HMSD: variants seen among roughly 807,000 people sequenced by gnomAD.
HMSD encodes the protein serpin-like protein HMSD.
Under a neutral mutation model 10.0 loss-of-function variants are expected in HMSD, and 13 were observed. The observed-to-expected ratio is 1.31, with a 90% confidence interval of 0.85 to 2.08. The LOEUF (loss-of-function observed/expected upper bound fraction) is 2.08, where lower values mean the gene tolerates loss of function less well. HMSD is among the 30% of genes most tolerant of loss of function. The pLI is 0.00. For synonymous variants in HMSD, 51 were observed against 54.2 expected, an observed-to-expected ratio of 0.94 and a Z score of 0.26; for missense variants, 169 against 166.3, an observed-to-expected ratio of 1.02 and a Z score of -0.09.
chr18:63,955,177 T>C (rs557251582), intron 3 of HMSD, among the ~76,000 whole-genome samples: 1 of 152,278 alleles, frequency 6.6e-6, no homozygotes, highest in Non-Finnish European at 1.5e-5. Flanking sequence ...ATAAAAACTT[T>C]GCTTCATGAG....
downstream of HMSD, among the ~76,000 whole-genome samples, chr18:63,963,203 GCTTCCTTCCTTCCTTCCTTCCTTGCTTC>G (rs1379207908): frequency 1.6e-4 from 16 of 99,394 alleles, no homozygotes; most frequent in African/African-American, 7.1e-4. Context: ...TTCCTTCCTT[GCTTCCTTCCTTCCTTCCTTCCTTGCTTC>G]CTTCCTTCCT....
chr18:63,958,984 C>T (rs1388237051), intron 3 of HMSD, among the ~76,000 whole-genome samples: 2 of 151,846 alleles, frequency 1.3e-5, no homozygotes, highest in African/African-American at 4.8e-5. Flanking sequence ...CTATAGTCAC[C>T]ATTTGTAAAA....
chr18:63,964,905 A>G (rs909323670), downstream of HMSD, among the ~76,000 whole-genome samples: 1 of 152,120 alleles, frequency 6.6e-6, no homozygotes, highest in African/African-American at 2.4e-5. Context: ...CTAAGTCCTT[A>G]GTTCTTTTTT....
At chr18:63,950,188 G>T (rs1160154587) in intron 1 of HMSD, among the ~76,000 whole-genome samples, 2 of 152,000 alleles carry the variant, frequency 1.3e-5, no homozygotes, top group African/African-American at 4.8e-5. Context: ...AGGCTGAGGG[G>T]GGCGGATCAC....
At chr18:63,953,330 T>C (rs574074038) in intron 1 of HMSD, 24 bp from the exon 2 acceptor site, 4 of 666,646 alleles carry the variant, frequency 6.0e-6, no homozygotes, top group South Asian at 1.7e-5. Context: ...TAATGTAATA[T>C]TGTTTAAAAA....
At chr18:63,955,946 C>T (rs1429623548) in intron 3 of HMSD, among the ~76,000 whole-genome samples, 1 of 152,202 alleles carries the variant, frequency 6.6e-6, no homozygotes, top group Non-Finnish European at 1.5e-5. Context: ...CTGTCCCCAC[C>T]GCATTTCCCC....
intron 1 of HMSD, among the ~76,000 whole-genome samples, chr18:63,951,980 T>C (rs1043431179): frequency 6.6e-6 from 1 of 151,942 alleles, no homozygotes; most frequent in African/African-American, 2.4e-5. Flanking sequence ...TGAGTTCATG[T>C]CCTTTGTAGG....
intron 2 of HMSD, among the ~76,000 whole-genome samples, chr18:63,953,893 G>A (rs1025904730): frequency 1.3e-5 from 2 of 152,184 alleles, no homozygotes; most frequent in African/African-American, 4.8e-5. Flanking sequence ...GACCACGGTA[G>A]CTGGGTTACA....
chr18:63,963,196 CTT>C, downstream of HMSD, among the ~76,000 whole-genome samples: 1 of 136,684 alleles, frequency 7.3e-6, no homozygotes, highest in Admixed American at 7.3e-5. Flanking sequence ...TCATTGCTTC[CTT>C]CCTTGCTTCC....
At chr18:63,967,240 C>T (rs981924323) in intron 3 of HMSD, among the ~76,000 whole-genome samples, 4 of 152,184 alleles carry the variant, frequency 2.6e-5, no homozygotes, top group African/African-American at 9.7e-5. Flanking sequence ...TCAAGCAGTT[C>T]TCCTGCTTCA....
chr18:63,960,242 C>T lies in HMSD; in HGVS notation c.307C>T (p.Arg103Cys), dbSNP rs191472221. 47 of 1,613,310 alleles carry T rather than the reference C, an allele frequency of 2.9e-5. No homozygotes were observed. Among genetic ancestry groups the T allele is most frequent in the East Asian group, 2.5e-4 (11 of 44,834 alleles). Residue 103 changes from arginine (R) to cysteine (C), a missense_variant, in exon 4 of 4, where the codon CGT (arginine) becomes TGT (cysteine). Physicochemically the swap from Arg to Cys is radical, Grantham distance 180. Transcript: ENST00000408945. The stretch of plus-strand genomic sequence containing the variant: ...GAATGATACAGAGAAGTCCACAACA[C>T]GTGTAAACTCCTGGGTTGCTGATAA... ...FVNDTEKSTTRVNSWVADKTK... is the reference protein window; with the variant it reads ...FVNDTEKSTTCVNSWVADKTK...
intron 3 of HMSD, among the ~76,000 whole-genome samples, chr18:63,955,019 G>T (rs1210420631): frequency 2.6e-5 from 4 of 152,158 alleles, no homozygotes; most frequent in African/African-American, 4.8e-5. Context: ...TCTAGTTTTT[G>T]AAAAGAAAAG....
rs1260811432 is a variant in HMSD at position 63,954,355 on chromosome 18, T to C, written c.73-53T>C. 8.3e-6 allele frequency: 11 copies of C among 1,321,866 alleles called. No individual in the cohort carries two copies. In the Admixed American group the frequency reaches 1.6e-4, roughly 19 times the overall value. The allele number at this position is 1,321,866 out of a possible 1,614,324, so 81.9% of individuals were successfully genotyped here. A position where few individuals can be genotyped will look rare whatever the true frequency, so the allele number is the denominator to read the frequency against. Reference sequence around the variant, plus strand: ...CTGAGTTTACTGTTGTGCCTATATTTTGAAGTCACAGAATACTGAGAATGT... The same window carrying C: ...CTGAGTTTACTGTTGTGCCTATATTCTGAAGTCACAGAATACTGAGAATGT... On this transcript the variant is annotated intron_variant, in intron 2 of 3. Transcript: ENST00000408945.
downstream of HMSD, among the ~76,000 whole-genome samples, chr18:63,965,567 C>T (rs554478308): frequency 6.6e-6 from 1 of 152,272 alleles, no homozygotes; most frequent in South Asian, 2.1e-4. Flanking sequence ...CCTTGAAATA[C>T]AATACCAGGC....
chr18:63,969,188 A>T (rs1484400226), intron 3 of HMSD: 2 of 152,222 alleles, frequency 1.3e-5, no homozygotes, highest in Admixed American at 6.5e-5. Flanking sequence ...GGCTCTAAAG[A>T]AAAGAAGGGA....
intron 3 of HMSD, among the ~76,000 whole-genome samples, chr18:63,967,836 G>A (rs1449963596): frequency 6.6e-6 from 1 of 152,186 alleles, no homozygotes; most frequent in African/African-American, 2.4e-5. Flanking sequence ...CCAGGGTGGA[G>A]TGGGGAGCCT....
At chr18:63,965,518 G>A (rs2050405939), downstream of HMSD, among the ~76,000 whole-genome samples, 1 of 152,176 alleles carries the variant, frequency 6.6e-6, no homozygotes, top group Non-Finnish European at 1.5e-5. Context: ...CAGTTTCCAG[G>A]CAATGCCATA....
At chr18:63,963,119 TTC>T (rs1491257777), downstream of HMSD, among the ~76,000 whole-genome samples, 238 of 136,818 alleles carry the variant, frequency 1.7e-3, 4 homozygotes, top group Admixed American at 2.7e-3. Flanking sequence ...CTTTCTTTCT[TTC>T]TTTCTTTCTT....
rs1277822603 is a variant in HMSD, at chr18:63,954,572, T to C, written c.222+15T>C. On this transcript the variant is annotated intron_variant, in intron 3 of 3. Coordinates refer to ENST00000408945, the MANE Select transcript of HMSD (RefSeq NM_001123366.2). ...ATTTCCTCACAGTAAGTCATACTTG[T>C]TTATTAGGAAAATAAAGATAGCAAT... 6.3e-7 allele frequency: 1 copy of C among 1,599,496 alleles called. No individual in the cohort carries two copies.
Sources: allele counts gnomAD v4.1 joint callset (sites outside exome capture counted in the v4.1 genomes callset), GRCh38; gene constraint gnomAD v4.1.1; transcripts MANE v1.5; gene names NCBI Gene and HGNC (gene_info 2026-07-23, HGNC 2026-07-21).